PCDHGA12: variants seen among roughly 807,000 people sequenced by gnomAD.
PCDHGA12 encodes protocadherin gamma subfamily A, 12.
PCDHGA12 carries 43 observed loss-of-function variants against 61.1 expected under a neutral mutation model. The observed-to-expected ratio is 0.70, with a 90% CI of 0.55 to 0.91. The LOEUF (loss-of-function observed/expected upper bound fraction) is 0.91, where lower values mean the gene tolerates loss of function less well. Among genes scored for constraint, PCDHGA12 ranks in the 40% least tolerant of loss-of-function variants. The pLI, the probability that PCDHGA12 is intolerant of heterozygous loss-of-function variation, is 0.00. For synonymous variants in PCDHGA12, 520 were observed against 542.9 expected (o/e 0.96, Z 0.59); for missense variants, 1,236 against 1,227.7 (o/e 1.01, Z -0.10).
rs758578821 is a variant in PCDHGA12 at position 141,486,659 on chromosome 5, G to C, written c.2425-8148G>C. The C allele has an allele frequency of 6.8e-6, 11 of 1,613,944 alleles. No individual in the cohort carries two copies. The highest frequency in any genetic ancestry group is 8.5e-6 in the Non-Finnish European group (10 of 1,180,026). On this transcript the variant is annotated intron_variant, in intron 1 of 3. Coordinates refer to ENST00000252085, the MANE Select transcript of PCDHGA12 (RefSeq NM_003735.3). The surrounding 1 kb of genome is among the most constrained non-coding windows in gnomAD (Gnocchi z 5.0). ...TGCGCTTATCTCCTACTCACTCCTGGAGCCCAGGAATCGAGATGTATCAGC... is the reference window on the plus strand; with the variant it reads ...TGCGCTTATCTCCTACTCACTCCTGCAGCCCAGGAATCGAGATGTATCAGC...
At chr5:141,473,809 A>C (rs1230574978) in intron 1 of PCDHGA12, among the ~76,000 whole-genome samples, 2 of 152,242 alleles carry the variant, frequency 1.3e-5, no homozygotes, top group East Asian at 3.8e-4. Flanking sequence ...ACTGAGGAGC[A>C]GCTGGACAAT....
Position 141,477,662 on chromosome 5 carries a change from A to G in PCDHGA12, c.2425-17145A>G. On this transcript the variant is annotated intron_variant, in intron 1 of 3. Transcript: ENST00000252085. The surrounding 1 kb of genome is among the most constrained non-coding windows in gnomAD (Gnocchi z 4.9). ...TCGCTATTTCACAATAAATCGTGAC[A>G]ATGGCATAGTGTCATCCTTAGTGCC... The G allele has an allele frequency of 6.2e-7, 1 of 1,614,222 alleles. No individual in the cohort carries two copies.
rs1233637152 is a variant in PCDHGA12 at position 141,432,543 on chromosome 5, A to G, written c.1784A>G (p.Asp595Gly). ...GYLVTKVVAVDRDSGQNAWLS... is the reference protein window; with the variant it reads ...GYLVTKVVAVGRDSGQNAWLS... ...CTGGTGACCAAGGTGGTGGCGGTGGACAGAGACTCCGGCCAGAACGCCTGG... is the reference window on the plus strand; with the variant it reads ...CTGGTGACCAAGGTGGTGGCGGTGGGCAGAGACTCCGGCCAGAACGCCTGG... Residue 595 changes from aspartate to glycine, a missense_variant, in exon 1 of 4, where the codon GAC (aspartate) becomes GGC (glycine). Physicochemically the swap from Asp to Gly is moderately conservative, Grantham distance 94. Transcript: ENST00000252085. This position sits in a 1 kb window ranked among gnomAD's most constrained non-coding sequence, Gnocchi z 6.0. 3 of 1,613,678 alleles carry G rather than the reference A, an allele frequency of 1.9e-6. No individual in the cohort carries two copies. In the African/African-American group the frequency reaches 4.0e-5, roughly 22 times the overall value.
chr5:141,480,710 T>C (rs1174000425), intron 1 of PCDHGA12, among the ~76,000 whole-genome samples: 1 of 152,042 alleles, frequency 6.6e-6, no homozygotes, highest in East Asian at 1.9e-4. Context: ...CCCCGACAAA[T>C]GAAAGCACAG....
At chr5:141,462,459 C>T (rs190781980) in intron 1 of PCDHGA12, among the ~76,000 whole-genome samples, 11 of 152,128 alleles carry the variant, frequency 7.2e-5, no homozygotes, top group Admixed American at 2.6e-4. Flanking sequence ...TAACTGAAAA[C>T]TGTGTATTCT....
At chr5:141,478,926 G>A in intron 1 of PCDHGA12, 1 of 687,216 alleles carries the variant, frequency 1.5e-6, no homozygotes, top group Non-Finnish European at 2.3e-6. Flanking sequence ...CTAACCAGTG[G>A]CAGCTTCTAG....
rs61612330 is a variant in PCDHGA12 at position 141,454,796 on chromosome 5, A to ATTTTTTTTT, written c.2424+21634_2424+21642dup. Among the ~76,000 whole-genome samples the ATTTTTTTTT allele has an allele frequency of 8.2e-3, 638 of 77,468 alleles. 91 individuals carry two copies. The highest frequency in any genetic ancestry group is 0.025 in the African/African-American group (426 of 16,886). 50.8% of individuals were successfully genotyped at this position (77,468 alleles called of 152,430 possible). On this transcript the variant is annotated intron_variant, in intron 1 of 3. Coordinates refer to ENST00000252085, the MANE Select transcript of PCDHGA12 (RefSeq NM_003735.3). ...AAGGAAATAATCCTCCATGGTTCTA[A>ATTTTTTTTT]TTTTTTTTTTTTTTTTTTTTTTTTT...
chr5:141,483,456 G>T (rs2099581503), intron 1 of PCDHGA12, among the ~76,000 whole-genome samples: 1 of 152,180 alleles, frequency 6.6e-6, no homozygotes, highest in Admixed American at 6.5e-5. Context: ...ATCAGGACTT[G>T]TTGATTGACA....
At chr5:141,503,598 CAAAAAAA>C (rs765754054) in intron 2 of PCDHGA12, among the ~76,000 whole-genome samples, 8 of 65,766 alleles carry the variant, frequency 1.2e-4, no homozygotes, top group South Asian at 1.1e-3. Context: ...GACTCCAGCT[CAAAAAAA>C]AAAAAAAAAG....
In PCDHGA12 at chr5:141,491,789, T is replaced by G; in HGVS notation, c.2425-3018T>G. The G allele has an allele frequency of 6.6e-7, 1 of 1,525,854 alleles. No individual in the cohort carries two copies. Among genetic ancestry groups the G allele is most frequent in the Non-Finnish European group, 8.8e-7 (1 of 1,137,340 alleles). The allele number at this position is 1,525,854 out of a possible 1,614,324, so 94.5% of individuals were successfully genotyped here. ...CATAAGGGATTGAACTTGCATCCAC[T>G]CCTCTCCGGCCGGCTTGGTCGCTGG... On this transcript the variant is annotated intron_variant, in intron 1 of 3. Transcript: ENST00000252085. The surrounding 1 kb of genome is among the most constrained non-coding windows in gnomAD (Gnocchi z 6.9).
In PCDHGA12 at chr5:141,477,605, T is replaced by A. The variant is rs1339408637; in HGVS notation, c.2425-17202T>A. On this transcript the variant is annotated intron_variant, in intron 1 of 3. Transcript: ENST00000252085. This position sits in a 1 kb window ranked among gnomAD's most constrained non-coding sequence, Gnocchi z 4.9. ...GAATGCTCGGCTTTCTTTCTTTCTCTTGGAGCAAGGAGCTGAAACCGGGCT... is the reference window on the plus strand; with the variant it reads ...GAATGCTCGGCTTTCTTTCTTTCTCATGGAGCAAGGAGCTGAAACCGGGCT... The A allele has an allele frequency of 6.2e-6, 10 of 1,614,102 alleles. No individual in the cohort carries two copies. In the South Asian group the frequency reaches 1.1e-4, roughly 18 times the overall value.
Position 141,477,100 on chromosome 5 carries a change from C to T in PCDHGA12, c.2425-17707C>T, listed in dbSNP as rs970613825. Reference sequence around the variant, plus strand: ...TTTACATCCAGGCCAAAGACAAGGGCGCCAATCCCGAAGGAGCACATTGCA... The same window carrying T: ...TTTACATCCAGGCCAAAGACAAGGGTGCCAATCCCGAAGGAGCACATTGCA... On this transcript the variant is annotated intron_variant, in intron 1 of 3. Transcript: ENST00000252085. The surrounding 1 kb of genome is among the most constrained non-coding windows in gnomAD (Gnocchi z 4.9). 1 of 1,614,098 alleles carries T rather than the reference C, an allele frequency of 6.2e-7. No homozygotes were observed. Among genetic ancestry groups the T allele is most frequent in the African/African-American group, 1.3e-5 (1 of 74,932 alleles).
intron 1 of PCDHGA12, chr5:141,441,802 T>C (rs2098274220): frequency 2.6e-6 from 1 of 382,538 alleles, no homozygotes; most frequent in South Asian, 2.1e-5. Flanking sequence ...GCACCGCGGG[T>C]GCTGTACCCC....
At chr5:141,449,818 A>G (rs1446661913) in intron 1 of PCDHGA12, among the ~76,000 whole-genome samples, 2 of 151,708 alleles carry the variant, frequency 1.3e-5, no homozygotes, top group Non-Finnish European at 2.9e-5. Flanking sequence ...GTATTTCCTA[A>G]CAAGGACATT....
rs1174072440 is a variant in PCDHGA12, at chr5:141,438,581, TACATACATAC to T, written c.2424+5400_2424+5409del. Among the ~76,000 whole-genome samples, 141 of 49,790 alleles carry T rather than the reference TACATACATAC, an allele frequency of 2.8e-3. 1 individual carries two copies. Among genetic ancestry groups the T allele is most frequent in the African/African-American group, 0.014 (97 of 6,866 alleles). 32.7% of individuals were successfully genotyped at this position (49,790 alleles called of 152,430 possible). A position where few individuals can be genotyped will look rare whatever the true frequency, so the allele number is the denominator to read the frequency against. On this transcript the variant is annotated intron_variant, in intron 1 of 3. Coordinates refer to ENST00000252085, the MANE Select transcript of PCDHGA12 (RefSeq NM_003735.3). ...GAGGCAGCTGTCTGATATACATACA[TACATACATAC>T]ATATATATATATATATATATATATA...
At chr5:141,505,015 A>G (rs965107997) in intron 2 of PCDHGA12, among the ~76,000 whole-genome samples, 1 of 152,160 alleles carries the variant, frequency 6.6e-6, no homozygotes, top group Admixed American at 6.5e-5. Flanking sequence ...TACAAAAATT[A>G]GCCTGGCACA....
At chr5:141,507,842 C>CT (rs2099864170) in intron 3 of PCDHGA12, among the ~76,000 whole-genome samples, 1 of 152,230 alleles carries the variant, frequency 6.6e-6, no homozygotes, top group Admixed American at 6.5e-5. Flanking sequence ...GGGTCAGGCC[C>CT]TGCTCTCACT....
At chr5:141,482,675 A>G (rs1258898440) in intron 1 of PCDHGA12, among the ~76,000 whole-genome samples, 1 of 149,114 alleles carries the variant, frequency 6.7e-6, no homozygotes, top group African/African-American at 2.5e-5. Context: ...AAGGTTGAGT[A>G]GTAGCTTGTC....
chr5:141,486,967 G>C lies in PCDHGA12; in HGVS notation c.2425-7840G>C. The C allele has an allele frequency of 6.2e-7, 1 of 1,614,202 alleles. No homozygotes were observed. Among genetic ancestry groups the C allele is most frequent in the Non-Finnish European group, 8.5e-7 (1 of 1,180,032 alleles). ...TCACAAAGGTGACTGCTGTGGACTT[G>C]GATTCAGGTTACAATGCTTGGGTTT... On this transcript the variant is annotated intron_variant, in intron 1 of 3. Transcript: ENST00000252085. The surrounding 1 kb of genome is among the most constrained non-coding windows in gnomAD (Gnocchi z 5.0).
Sources: gnomAD v4.1 joint callset for allele counts (sites outside exome capture counted in the v4.1 genomes callset) on GRCh38, gnomAD v4.1.1 for gene constraint, Gnocchi (gnomAD v3.1) non-coding constraint, MANE v1.5 for transcripts, NCBI Gene and HGNC (gene_info 2026-07-23, HGNC 2026-07-21) for gene names.